Variants in GRP observed in about 807,000 individuals in gnomAD.
GRP encodes the protein gastrin releasing peptide, also known as gastrin-releasing peptide.
In GRP, 11 loss-of-function variants were observed where a neutral mutation model predicts 12.7. That is an observed-to-expected ratio of 0.87 (90% CI 0.55 to 1.44). The LOEUF (loss-of-function observed/expected upper bound fraction) is 1.44. Among genes scored for constraint, GRP ranks in the 40% most tolerant of loss-of-function variants. The probability of loss-of-function intolerance (pLI) is 0.00; values close to 1 mark genes in which losing one functional copy is unlikely to be tolerated. For missense variants in GRP, 212 were observed against 185.4 expected (o/e 1.14, Z -0.83); for synonymous variants, 84 against 77.7 (o/e 1.08, Z -0.43).
At chr18:59,228,869 C>A (rs1007363742) in intron 2 of GRP, among the ~76,000 whole-genome samples, 3 of 152,052 alleles carry the variant, frequency 2.0e-5, no homozygotes, top group Non-Finnish European at 4.4e-5. Context: ...TTTTAGTTGG[C>A]CTTTGGTCTA....
chr18:59,226,008 T>A (rs932893307), intron 2 of GRP, among the ~76,000 whole-genome samples: 1 of 152,166 alleles, frequency 6.6e-6, no homozygotes, highest in African/African-American at 2.4e-5. Flanking sequence ...ATTTTTTTTT[T>A]AACACACAGG....
chr18:59,222,379 T>C (rs1391659568), intron 1 of GRP, among the ~76,000 whole-genome samples: 4 of 152,236 alleles, frequency 2.6e-5, no homozygotes, highest in African/African-American at 9.6e-5. Context: ...CAACCAGTGG[T>C]GACCCCAAAT....
chr18:59,220,304 G>A lies in GRP; in HGVS notation c.39G>A (p.Leu13=), dbSNP rs1471950654. ...GRELPLVLLA[L]VLCLAPRGRA... is the part of the protein sequence containing the mutation. ...AGCTCCCGCTGGTCCTGCTGGCGCT[G>A]GTCCTCTGCCTGGCGCCCCGGGGGC... Residue 13 remains leucine, a synonymous_variant, in exon 1 of 3, where the codon CTG becomes CTA. Coordinates refer to ENST00000256857, the MANE Select transcript of GRP (RefSeq NM_002091.5). The A allele has an allele frequency of 1.0e-5, 15 of 1,505,828 alleles. No individual in the cohort carries two copies. The highest frequency in any genetic ancestry group is 9.8e-5 in the South Asian group (8 of 81,570). 93.3% of individuals were successfully genotyped at this position (1,505,828 alleles called of 1,614,324 possible).
In GRP at chr18:59,225,714, A is replaced by C; in HGVS notation, c.362A>C (p.Asp121Ala). 1 of 1,614,046 alleles carries C rather than the reference A, an allele frequency of 6.2e-7. No individual in the cohort carries two copies. The highest frequency in any genetic ancestry group is 8.5e-7 in the Non-Finnish European group (1 of 1,179,948). ...TCAGAGGATAGCAGCAACTTCAAAG[A>C]TGTAGGTTCAAAAGGCAAAGGTAAA... ...WDSEDSSNFK[D>A]VGSKGKVGRL... The change falls in exon 2 of 3, where the codon GAT becomes GCT. Residue 121 changes from aspartate to alanine, a missense_variant. Transcript: ENST00000256857.
Position 59,230,684 on chromosome 18 carries a change from GC to G in GRP, c.*217del, listed in dbSNP as rs2070020961. ...TGTCGAAAAGAGTCTTCCAATTAAT[GC>G]TTTTTTATATCTAGGCTACCTGTTG... On this transcript the variant is annotated 3_prime_UTR_variant, in exon 3 of 3. Coordinates refer to ENST00000256857, the MANE Select transcript of GRP (RefSeq NM_002091.5). 1 of 539,270 alleles carries G rather than the reference GC, an allele frequency of 1.9e-6. No homozygotes were observed. The highest frequency in any genetic ancestry group is 3.3e-6 in the Non-Finnish European group (1 of 301,008). The allele number at this position is 539,270 out of a possible 1,614,324, so 33.4% of individuals were successfully genotyped here. A position where few individuals can be genotyped will look rare whatever the true frequency, so the allele number is the denominator to read the frequency against.
chr18:59,222,097 C>T (rs2069844745), intron 1 of GRP, among the ~76,000 whole-genome samples: 1 of 152,160 alleles, frequency 6.6e-6, no homozygotes, highest in Non-Finnish European at 1.5e-5. Flanking sequence ...GCCAATGGGG[C>T]TGGAAAGATG....
intron 2 of GRP, 121 bp from the exon 3 acceptor site, chr18:59,230,283 C>T (rs2070010741): frequency 5.8e-6 from 4 of 687,886 alleles, no homozygotes; most frequent in Non-Finnish European, 1.1e-5. Context: ...TTAGGCTGAA[C>T]CAAGAATTTG....
intron 2 of GRP, among the ~76,000 whole-genome samples, chr18:59,226,761 T>C (rs2069927839): frequency 6.6e-6 from 1 of 152,192 alleles, no homozygotes; most frequent in Non-Finnish European, 1.5e-5. Flanking sequence ...TAAATAATAT[T>C]GCTTTCCACT....
chr18:59,225,674 C>T lies in GRP; in HGVS notation c.322C>T (p.Gln108Ter), dbSNP rs758744205. ...PPQPKALGNQ[Q>*]PSWDSEDSSN... ...TCAACCCAAGGCCCTGGGCAATCAGCAGCCTTCGTGGGATTCAGAGGATAG... is the reference window on the plus strand; with the variant it reads ...TCAACCCAAGGCCCTGGGCAATCAGTAGCCTTCGTGGGATTCAGAGGATAG... Residue 108 changes from glutamine to a stop codon, truncating the protein, a stop_gained, in exon 2 of 3, where the codon CAG becomes TAG. Transcript: ENST00000256857. LOFTEE classifies it high-confidence loss of function. 3.1e-6 allele frequency: 5 copies of T among 1,613,826 alleles called. No homozygotes were observed. In the Admixed American group the frequency reaches 5.0e-5, roughly 16 times the overall value.
chr18:59,227,188 A>G (rs1446932340), intron 2 of GRP, among the ~76,000 whole-genome samples: 3 of 151,094 alleles, frequency 2.0e-5, no homozygotes, highest in Non-Finnish European at 4.4e-5. Context: ...TGGCCTCCCA[A>G]ATGTGGGTTT....
intron 2 of GRP, among the ~76,000 whole-genome samples, chr18:59,226,568 T>C (rs995965125): frequency 6.6e-6 from 1 of 152,214 alleles, no homozygotes; most frequent in African/African-American, 2.4e-5. Context: ...TCTATTATTC[T>C]CTCCATTTTA....
intron 2 of GRP, among the ~76,000 whole-genome samples, chr18:59,228,593 A>T (rs1568085666): frequency 1.3e-5 from 2 of 152,220 alleles, no homozygotes; most frequent in Admixed American, 1.3e-4. Flanking sequence ...CTGAAACTAG[A>T]TTGCTCGACC....
chr18:59,229,645 T>C (rs2069999049), intron 2 of GRP, among the ~76,000 whole-genome samples: 1 of 152,210 alleles, frequency 6.6e-6, no homozygotes. Context: ...GGAATCTGAA[T>C]TGCCAGAGAA....
At chr18:59,229,164 C>A (rs946643730) in intron 2 of GRP, among the ~76,000 whole-genome samples, 2 of 152,126 alleles carry the variant, frequency 1.3e-5, no homozygotes, top group Non-Finnish European at 2.9e-5. Context: ...ATTACCCTGG[C>A]ACTTTCTATG....
At chr18:59,229,051 C>G (rs2144115446) in intron 2 of GRP, among the ~76,000 whole-genome samples, 2 of 152,264 alleles carry the variant, frequency 1.3e-5, no homozygotes, top group Middle Eastern at 6.8e-3. Context: ...CAAATCAGTA[C>G]AGAGAATAGG....
chr18:59,226,985 T>TTTTC (rs2069931924), intron 2 of GRP, among the ~76,000 whole-genome samples: 1 of 119,726 alleles, frequency 8.4e-6, no homozygotes, highest in Non-Finnish European at 1.8e-5. Context: ...ATGTGGTTTC[T>TTTTC]TTTCTTCCTT....
At chr18:59,226,756 A>G (rs2069927735) in intron 2 of GRP, among the ~76,000 whole-genome samples, 1 of 152,160 alleles carries the variant, frequency 6.6e-6, no homozygotes, top group Admixed American at 6.5e-5. Flanking sequence ...GACAATAAAT[A>G]ATATTGCTTT....
Position 59,220,286 on chromosome 18 carries a change from G to T in GRP, c.21G>T (p.Pro7=), listed in dbSNP as rs1285273990. ...GGACCATGCGCGGCCGTGAGCTCCC[G>T]CTGGTCCTGCTGGCGCTGGTCCTCT... MRGREL[P]LVLLALVLCL... is the part of the protein sequence containing the mutation. The change falls in exon 1 of 3, where the codon CCG becomes CCT. Residue 7 remains proline (P), a synonymous_variant. Coordinates refer to ENST00000256857, the MANE Select transcript of GRP (RefSeq NM_002091.5). The T allele has an allele frequency of 2.7e-6, 4 of 1,504,574 alleles. No individual in the cohort carries two copies. In the South Asian group the frequency reaches 4.9e-5, roughly 18 times the overall value. The allele number at this position is 1,504,574 out of a possible 1,614,324, so 93.2% of individuals were successfully genotyped here.
chr18:59,229,190 G>T (rs538468394), intron 2 of GRP, among the ~76,000 whole-genome samples: 1 of 152,250 alleles, frequency 6.6e-6, no homozygotes, highest in South Asian at 2.1e-4. Context: ...GTAGAGTAAA[G>T]TTGGCCCCCA....
Sources: allele counts gnomAD v4.1 joint callset (sites outside exome capture counted in the v4.1 genomes callset), GRCh38; gene constraint gnomAD v4.1.1; transcripts MANE v1.5; gene names NCBI Gene and HGNC (gene_info 2026-07-23, HGNC 2026-07-21).